The following C2 variants were observed in gnomAD, a reference collection of about 807,000 sequenced individuals.
The protein encoded by C2 is complement C2, also known as C3/C5 convertase.
A neutral mutation model predicts 85.2 loss-of-function variants in C2; 64 were observed. The ratio of observed to expected loss-of-function variants is 0.75; its 90% CI spans 0.61 to 0.92. C2 has a LOEUF of 0.92. Ranked by LOEUF, C2 falls within the 40% of genes least tolerant of loss-of-function variation. C2 has a pLI of 0.00. For synonymous variants in C2, 311 were observed against 370.8 expected, an observed-to-expected ratio of 0.84 and a Z score of 1.85; for missense variants, 820 against 971.6, an observed-to-expected ratio of 0.84 and a Z score of 2.07.
At chr6:31,925,649 C>T (rs1769216847), upstream of C2, among the ~76,000 whole-genome samples, 1 of 152,172 alleles carries the variant, frequency 6.6e-6, no homozygotes, top group African/African-American at 2.4e-5. Context: ...GCCACCATCT[C>T]AGACGTTACC....
In C2 at chr6:31,943,587, C is replaced by G; in HGVS notation, c.1568-57C>G. ...AAGCCACAGATCCTACCACCTCACC[C>G]AGCCTCTGGCCCCTGCAGGAGCCCT... On this transcript the variant is annotated intron_variant, in intron 12 of 17. Transcript: ENST00000299367. This position sits in a 1 kb window ranked among gnomAD's most constrained non-coding sequence, Gnocchi z 6.4. 1 of 1,609,024 alleles carries G rather than the reference C, an allele frequency of 6.2e-7. No homozygotes were observed. The highest frequency in any genetic ancestry group is 1.1e-5 in the South Asian group (1 of 91,010).
Position 31,943,115 on chromosome 6 carries a change from C to T in C2, c.1360+16C>T. On this transcript the variant is annotated intron_variant, in intron 10 of 17. Coordinates refer to ENST00000299367, the MANE Select transcript of C2 (RefSeq NM_000063.6). The surrounding 1 kb of genome is among the most constrained non-coding windows in gnomAD (Gnocchi z 6.4). The stretch of plus-strand genomic sequence containing the variant: ...CATATGCTGGGTGAGTGAGCTTTGC[C>T]CTCCTTGGTGTGGGGAGGATGGTGA... 1 of 1,612,946 alleles carries T rather than the reference C, an allele frequency of 6.2e-7. No individual in the cohort carries two copies. Among genetic ancestry groups the T allele is most frequent in the Non-Finnish European group, 8.5e-7 (1 of 1,179,952 alleles).
upstream of C2, among the ~76,000 whole-genome samples, chr6:31,898,130 G>A (rs763270313): frequency 6.6e-6 from 1 of 152,208 alleles, no homozygotes; most frequent in Non-Finnish European, 1.5e-5. Context: ...GGGCGATAGG[G>A]ACGCGGAGGA....
chr6:31,937,403 G>A lies in C2; in HGVS notation c.1073G>A (p.Gly358Asp), dbSNP rs778517883. The change falls in exon 8 of 18, where the codon GGC becomes GAC. Residue 358 changes from glycine (G) to aspartate (D), a missense_variant. Physicochemically the swap from Gly to Asp is moderately conservative, Grantham distance 94. Coordinates refer to ENST00000299367, the MANE Select transcript of C2 (RefSeq NM_000063.6). ...LMMNNQMRLL[G>D]METMAWQEIR... is the part of the protein sequence containing the mutation. Reference sequence around the variant, plus strand: ...ATGAACAACCAAATGCGACTCCTCGGCATGGAAACGATGGCCTGGCAGGAA... The same window carrying A: ...ATGAACAACCAAATGCGACTCCTCGACATGGAAACGATGGCCTGGCAGGAA... 1 of 1,612,706 alleles carries A rather than the reference G, an allele frequency of 6.2e-7. No individual in the cohort carries two copies. Among genetic ancestry groups the A allele is most frequent in the Admixed American group, 1.7e-5 (1 of 59,986 alleles).
At chr6:31,940,019 G>A (rs1369855213) in intron 9 of C2, among the ~76,000 whole-genome samples, 7 of 152,110 alleles carry the variant, frequency 4.6e-5, no homozygotes, top group Non-Finnish European at 8.8e-5. Flanking sequence ...CAAGTGATCC[G>A]CCTGCCTTGG....
intron 1 of C2, among the ~76,000 whole-genome samples, chr6:31,913,948 T>TA (rs1768304859): frequency 1.3e-5 from 2 of 150,836 alleles, no homozygotes; most frequent in Non-Finnish European, 3.0e-5. Context: ...CTTTTTTTTT[T>TA]AAGACGGAAT....
In C2 at chr6:31,935,807, C is replaced by T. The variant is rs1770358069; in HGVS notation, c.850-116C>T. 1 of 1,154,166 alleles carries T rather than the reference C, an allele frequency of 8.7e-7. No individual in the cohort carries two copies. The highest frequency in any genetic ancestry group is 2.3e-5 in the East Asian group (1 of 42,672). 71.5% of individuals were successfully genotyped at this position (1,154,166 alleles called of 1,614,324 possible). Reference sequence around the variant, plus strand: ...TTCCTAGTGTCTCCCCTGGTCCTTGCCTCTGTCGGTCTCACTCCAGTTTCT... The same window carrying T: ...TTCCTAGTGTCTCCCCTGGTCCTTGTCTCTGTCGGTCTCACTCCAGTTTCT... On this transcript the variant is annotated intron_variant, in intron 6 of 17. Coordinates refer to ENST00000299367, the MANE Select transcript of C2 (RefSeq NM_000063.6). The surrounding 1 kb of genome is among the most constrained non-coding windows in gnomAD (Gnocchi z 4.3).
intron 1 of C2, among the ~76,000 whole-genome samples, chr6:31,906,762 T>TA (rs1039867190): frequency 1.3e-4 from 19 of 149,794 alleles, no homozygotes; most frequent in East Asian, 1.9e-4. Context: ...ATCCCAAGTT[T>TA]AAAAAAAAAA....
upstream of C2, among the ~76,000 whole-genome samples, chr6:31,917,469 G>T (rs1768621014): frequency 1.3e-5 from 2 of 152,184 alleles, no homozygotes; most frequent in East Asian, 3.9e-4. Context: ...AATAGACACT[G>T]AAGACTACTA....
upstream of C2, among the ~76,000 whole-genome samples, chr6:31,919,305 C>T (rs965513444): frequency 4.6e-5 from 7 of 151,846 alleles, no homozygotes; most frequent in Admixed American, 2.6e-4. Context: ...CCAACACACC[C>T]GGCTAATTTT....
rs747655704 is a variant in C2, at chr6:31,944,724, C to T, written c.1903-3C>T. 2 of 1,613,076 alleles carry T rather than the reference C, an allele frequency of 1.2e-6. No homozygotes were observed. Among genetic ancestry groups the T allele is most frequent in the Non-Finnish European group, 1.7e-6 (2 of 1,180,026 alleles). On this transcript the variant is annotated splice_polypyrimidine_tract_variant and splice_region_variant and intron_variant, in intron 15 of 17. Coordinates refer to ENST00000299367, the MANE Select transcript of C2 (RefSeq NM_000063.6). The surrounding 1 kb of genome is among the most constrained non-coding windows in gnomAD (Gnocchi z 5.1). ...CTTCTCTCTGGTTCCACCCCTGCTG[C>T]AGTGGACAAGCTGTGCCGAGGTTGT...
In C2 at chr6:31,928,040, G is replaced by C; in HGVS notation, c.132G>C (p.Gly44=). Residue 44 remains glycine (G), a synonymous_variant, in exon 2 of 18, where the codon GGG becomes GGC. Transcript: ENST00000299367. The part of the protein sequence containing the change: ...TFTLSHGWAP[G]SLLTYSCPQG... ...CCCTCAGCCATGGCTGGGCTCCTGG[G>C]AGCCTTCTCACCTACTCCTGCCCCC... is the stretch of plus-strand genomic sequence containing the variant. The C allele has an allele frequency of 6.2e-7, 1 of 1,614,106 alleles. No homozygotes were observed. The highest frequency in any genetic ancestry group is 8.5e-7 in the Non-Finnish European group (1 of 1,180,020).
intron 9 of C2, among the ~76,000 whole-genome samples, chr6:31,940,303 G>GTTA (rs1168684685): frequency 6.6e-6 from 1 of 152,046 alleles, no homozygotes; most frequent in African/African-American, 2.4e-5. Context: ...GACCGTCGTC[G>GTTA]TTATCATCAT....
At chr6:31,929,041 A>G in intron 3 of C2, 124 bp downstream of exon 3, 1 of 924,182 alleles carries the variant, frequency 1.1e-6, no homozygotes, top group Non-Finnish European at 1.6e-6. Context: ...CCATAATAAT[A>G]TTCCTGGATT....
chr6:31,912,210 A>G (rs1163998673), intron 1 of C2, among the ~76,000 whole-genome samples: 2 of 152,174 alleles, frequency 1.3e-5, no homozygotes, highest in Non-Finnish European at 2.9e-5. Context: ...CTTCCCTGCT[A>G]ATGCTAAACT....
chr6:31,942,901 G>A, intron 9 of C2, 58 bp from the exon 10 acceptor site: 1 of 1,608,462 alleles, frequency 6.2e-7, no homozygotes, highest in South Asian at 1.1e-5. Context: ...ACAGCCTCCT[G>A]TCTCATGGGG....
At position 31,903,350 on chromosome 6, in the gene C2, G is replaced by A. The variant is rs189206497; in HGVS notation, c.73+2211G>A. Among the ~76,000 whole-genome samples, 546 of 152,340 alleles carry A rather than the reference G, an allele frequency of 3.6e-3. 6 individuals carry two copies. The highest frequency in any genetic ancestry group is 3.1e-3 in the Non-Finnish European group (210 of 68,038). On this transcript the variant is annotated intron_variant, in intron 1 of 3. Coordinates refer to the C2 transcript ENST00000452202. ...TTGCAAATAAAAATCATGCAATAGG[G>A]AGGGTGTGGTGGCTCACGCCTGTAA...
In C2 at chr6:31,942,991, G is replaced by A. The variant is rs1771008558; in HGVS notation, c.1252G>A (p.Val418Met). The change falls in exon 10 of 18, where the codon GTG becomes ATG. Residue 418 changes from valine to methionine, a missense_variant. Transcript: ENST00000299367. ...TGCCATCGGGGTGGGCAAGCTGGAT[G>A]TGGACTGGAGAGAACTGAATGAGCT... ...IYAIGVGKLD[V>M]DWRELNELGS... 2 of 1,613,100 alleles carry A rather than the reference G, an allele frequency of 1.2e-6. No homozygotes were observed. The highest frequency in any genetic ancestry group is 1.7e-5 in the Admixed American group (1 of 60,020).
upstream of C2, among the ~76,000 whole-genome samples, chr6:31,918,295 T>A (rs1582043771): frequency 6.8e-6 from 1 of 147,818 alleles, no homozygotes; most frequent in African/African-American, 2.5e-5. Context: ...AAAAAAAAAA[T>A]ATTCCTCGAG....
Sources: allele counts gnomAD v4.1 joint callset (sites outside exome capture counted in the v4.1 genomes callset), GRCh38; gene constraint gnomAD v4.1.1; non-coding constraint Gnocchi (gnomAD v3.1); transcripts MANE v1.5; gene names NCBI Gene and HGNC (gene_info 2026-07-23, HGNC 2026-07-21).